The following EML6 variants were observed in gnomAD, a reference collection of about 807,000 sequenced individuals.
EML6 encodes echinoderm microtubule-associated protein-like 6.
Under a neutral mutation model 240.1 loss-of-function variants are expected in EML6, and 154 were observed. That is an observed-to-expected ratio of 0.64 (90% CI 0.56 to 0.73). The LOEUF is 0.73. EML6 is among the 30% of genes least tolerant of loss of function. The pLI is 0.00. For synonymous variants in EML6, 1,148 were observed against 899.0 expected (o/e 1.28, Z -4.95); for missense variants, 2,964 against 2,474.6 (o/e 1.20, Z -4.20).
intron 2 of EML6, among the ~76,000 whole-genome samples, chr2:54,773,050 A>G (rs1668461902): frequency 6.6e-6 from 1 of 152,200 alleles, no homozygotes. Flanking sequence ...TTGGAGGATG[A>G]GTCCCAGTTG....
At chr2:54,870,338 G>T (rs555441112) in intron 15 of EML6, among the ~76,000 whole-genome samples, 1 of 149,888 alleles carries the variant, frequency 6.7e-6, no homozygotes, top group Admixed American at 6.6e-5. Flanking sequence ...TTTTAAAAGG[G>T]TTGCAGTCCT....
At chr2:54,954,215 G>T (rs4672000) in intron 32 of EML6, 59 bp downstream of exon 32, 2 of 1,443,884 alleles carry the variant, frequency 1.4e-6, no homozygotes. Flanking sequence ...TGTCGAGCCT[G>T]TGGGCTCGAA....
chr2:54,921,552 A>G (rs1029272156), intron 26 of EML6, among the ~76,000 whole-genome samples: 1 of 152,044 alleles, frequency 6.6e-6, no homozygotes, highest in Non-Finnish European at 1.5e-5. Flanking sequence ...TTCCAAAGGC[A>G]TTTTTTTCAC....
chr2:54,927,190 C>T (rs1674595572), intron 26 of EML6, among the ~76,000 whole-genome samples: 2 of 152,210 alleles, frequency 1.3e-5, no homozygotes, highest in South Asian at 2.1e-4. Context: ...AGGAATCTTT[C>T]TAGGCTCAGT....
intron 12 of EML6, among the ~76,000 whole-genome samples, chr2:54,862,352 A>AAAAC (rs1670721546): frequency 6.6e-6 from 1 of 150,818 alleles, no homozygotes; most frequent in South Asian, 2.1e-4. Context: ...AAAAAAAAAA[A>AAAAC]AAAAAAAAAA....
chr2:54,924,575 T>A (rs1404399233), intron 26 of EML6, among the ~76,000 whole-genome samples: 1 of 152,194 alleles, frequency 6.6e-6, no homozygotes, highest in Non-Finnish European at 1.5e-5. Context: ...TTTATTATTT[T>A]TCAAGATGGA....
intron 4 of EML6, among the ~76,000 whole-genome samples, chr2:54,819,773 G>GAAAAAAAA (rs375657743): frequency 8.1e-6 from 1 of 123,134 alleles, no homozygotes; most frequent in Admixed American, 8.8e-5. Context: ...GACTGTCTCA[G>GAAAAAAAA]AAAAAAAAAA....
In EML6 at chr2:54,849,350, C is replaced by T. The variant is rs550278885; in HGVS notation, c.1188-612C>T. Among the ~76,000 whole-genome samples the T allele has an allele frequency of 5.3e-5, 8 of 152,252 alleles. No individual in the cohort carries two copies. In the South Asian group the frequency reaches 6.2e-4, roughly 12 times the overall value. On this transcript the variant is annotated intron_variant, in intron 9 of 41. Coordinates refer to ENST00000356458, the MANE Select transcript of EML6 (RefSeq NM_001039753.4). ...ATAGTTACTCCACTGATCTATCAAA[C>T]GCTGGATCTTATTTCTTCTATCACA... is the stretch of plus-strand genomic sequence containing the variant.
chr2:54,757,380 G>A (rs1667782372), intron 2 of EML6, among the ~76,000 whole-genome samples: 1 of 152,156 alleles, frequency 6.6e-6, no homozygotes, highest in Non-Finnish European at 1.5e-5. Flanking sequence ...CTTTGCAATG[G>A]AGGATGCTGT....
At chr2:54,847,878 A>C (rs538098590) in intron 9 of EML6, among the ~76,000 whole-genome samples, 2 of 152,230 alleles carry the variant, frequency 1.3e-5, no homozygotes, top group Non-Finnish European at 2.9e-5. Flanking sequence ...GTAATCTCTT[A>C]GTAGAAATAA....
intron 2 of EML6, among the ~76,000 whole-genome samples, chr2:54,763,653 A>C (rs928007548): frequency 1.3e-5 from 2 of 152,232 alleles, no homozygotes; most frequent in African/African-American, 4.8e-5. Context: ...CATAGAAAAT[A>C]TGGAGAATGA....
chr2:54,938,949 G>A (rs1488969838), intron 28 of EML6, among the ~76,000 whole-genome samples: 1 of 152,024 alleles, frequency 6.6e-6, no homozygotes, highest in African/African-American at 2.4e-5. Flanking sequence ...ACCTGATCAG[G>A]GTTACACGTA....
At chr2:54,762,588 T>G (rs1456354328) in intron 2 of EML6, among the ~76,000 whole-genome samples, 2 of 152,202 alleles carry the variant, frequency 1.3e-5, no homozygotes, top group East Asian at 3.8e-4. Flanking sequence ...CATTGTTCCT[T>G]CCATATTTAT....
At chr2:54,823,427 A>T (rs754670785) in intron 5 of EML6, among the ~76,000 whole-genome samples, 3 of 150,026 alleles carry the variant, frequency 2.0e-5, no homozygotes, top group Non-Finnish European at 4.4e-5. Flanking sequence ...AAGATTACCA[A>T]TGTTTTCATC....
intron 3 of EML6, among the ~76,000 whole-genome samples, chr2:54,814,418 A>G (rs1181847823): frequency 1.3e-5 from 2 of 152,198 alleles, no homozygotes; most frequent in African/African-American, 2.4e-5. Context: ...GATACGTTCT[A>G]GAAAAGAAAG....
intron 26 of EML6, among the ~76,000 whole-genome samples, chr2:54,922,160 T>C (rs920392952): frequency 1.1e-4 from 17 of 152,184 alleles, no homozygotes; most frequent in Non-Finnish European, 2.4e-4. Context: ...TTGCAAACCA[T>C]GTTTCTGATA....
In EML6 at chr2:54,952,581, C is replaced by G. The variant is rs1236712679; in HGVS notation, c.4214-13C>G. The G allele has an allele frequency of 1.3e-6, 2 of 1,538,348 alleles. No homozygotes were observed. The highest frequency in any genetic ancestry group is 1.2e-5 in the South Asian group (1 of 83,590). On this transcript the variant is annotated splice_polypyrimidine_tract_variant and intron_variant, in intron 30 of 41. Transcript: ENST00000356458. The stretch of plus-strand genomic sequence containing the variant: ...GTTCCACTGTTCACCCTCCCATGAT[C>G]TCTCTCCCCCAGGGAGCCAGAGCTT...
At chr2:54,751,057 C>T (rs911379562) in intron 2 of EML6, among the ~76,000 whole-genome samples, 5 of 152,144 alleles carry the variant, frequency 3.3e-5, no homozygotes, top group African/African-American at 1.2e-4. Context: ...GAGCTTGACG[C>T]ATCATTCAGA....
At chr2:54,880,027 G>C (rs541971776) in intron 17 of EML6, 1 of 161,344 alleles carries the variant, frequency 6.2e-6, no homozygotes, top group Non-Finnish European at 1.3e-5. Context: ...CAGAAGCACC[G>C]TTTGTCATGA....
Sources: allele counts gnomAD v4.1 joint callset (sites outside exome capture counted in the v4.1 genomes callset), GRCh38; gene constraint gnomAD v4.1.1; transcripts MANE v1.5; gene names NCBI Gene and HGNC (gene_info 2026-07-23, HGNC 2026-07-21).